Variants in DYNLT2 observed in about 807,000 individuals in gnomAD.
The protein encoded by DYNLT2 is dynein light chain Tctex-type protein 2.
In DYNLT2, 24 loss-of-function variants were observed where a neutral mutation model predicts 24.3. The observed-to-expected ratio is 0.99, with a 90% CI of 0.71 to 1.39. The LOEUF (loss-of-function observed/expected upper bound fraction) is 1.39. Among genes scored for constraint, DYNLT2 ranks in the 40% most tolerant of loss-of-function variants. The pLI, the probability that DYNLT2 is intolerant of heterozygous loss-of-function variation, is 0.00. For missense variants in DYNLT2, 246 were observed against 234.5 expected, an observed-to-expected ratio of 1.05 and a Z score of -0.32; for synonymous variants, 85 against 85.4, an observed-to-expected ratio of 1.00 and a Z score of 0.03.
chr6:169,733,208 G>A, the DYNLT2 span, among the ~76,000 whole-genome samples: 6 of 151,042 alleles, frequency 4.0e-5, no homozygotes, highest in Admixed American at 1.3e-4. Flanking sequence ...TGGGTAGATC[G>A]CAAAAATTTT....
Position 169,743,219 on chromosome 6 carries a change from T to C in DYNLT2, c.347A>G (p.Lys116Arg), listed in dbSNP as rs954938215. ...GTGAGAGAATACTTTATCATCATAT[T>C]TGACATCTTTAAGACTTTCCTTTAA... The part of the protein sequence containing the change: ...QILTESLKDV[K>R]YDDKVFSHLS... The change falls in exon 3 of 4, where the codon AAA becomes AGA. Residue 116 changes from lysine to arginine, a missense_variant. By Grantham distance (26) the Lys-to-Arg change is conservative. Transcript: ENST00000366774. 1.1e-5 allele frequency: 17 copies of C among 1,547,370 alleles called. No individual in the cohort carries two copies. The highest frequency in any genetic ancestry group is 1.8e-4 in the Middle Eastern group (1 of 5,680).
intron 1 of DYNLT2, among the ~76,000 whole-genome samples, chr6:169,748,345 C>G (rs1789858245): frequency 6.6e-6 from 1 of 152,154 alleles, no homozygotes; most frequent in Admixed American, 6.5e-5. Context: ...AGCCTGGAAA[C>G]TCTCACCAGG....
downstream of DYNLT2, among the ~76,000 whole-genome samples, chr6:169,736,107 T>TTTG (rs752179539): frequency 1.4e-4 from 21 of 151,768 alleles, no homozygotes; most frequent in African/African-American, 1.9e-4. Flanking sequence ...CAACCCCTGT[T>TTTG]TTGTTGTTGT....
At chr6:169,748,220 C>A (rs1328452301) in intron 1 of DYNLT2, among the ~76,000 whole-genome samples, 1 of 152,150 alleles carries the variant, frequency 6.6e-6, no homozygotes, top group African/African-American at 2.4e-5. Flanking sequence ...CTCTGTAGGT[C>A]TTTGGGGCGG....
chr6:169,747,709 T>C lies in DYNLT2; in HGVS notation c.121-3435A>G, dbSNP rs1350279098. On this transcript the variant is annotated intron_variant, in intron 1 of 3. Coordinates refer to ENST00000366774, the MANE Select transcript of DYNLT2 (RefSeq NM_174910.3). ...TATGATTAAATTTGACGAAAACTAA[T>C]AACTCTCTTAACTACTTTAATGTCT... Among the ~76,000 whole-genome samples, 4 of 152,184 alleles carry C rather than the reference T, an allele frequency of 2.6e-5. No individual in the cohort carries two copies. The East Asian group carries it at 7.7e-4, about 29-fold the overall frequency.
downstream of DYNLT2, chr6:169,740,056 T>G: frequency 3.3e-6 from 2 of 614,344 alleles, no homozygotes; most frequent in Non-Finnish European, 5.6e-6. Context: ...GTTAAAATAA[T>G]ACAATTGAAA....
At chr6:169,739,377 T>C (rs1193895819), downstream of DYNLT2, among the ~76,000 whole-genome samples, 1 of 152,004 alleles carries the variant, frequency 6.6e-6, no homozygotes, top group Admixed American at 6.6e-5. Context: ...GATCTCACGC[T>C]TCAGAAAAGG....
chr6:169,725,159 C>T, the DYNLT2 span: 4 of 398,790 alleles, frequency 1.0e-5, no homozygotes, highest in Admixed American at 4.4e-5. Context: ...CTAAAAACAG[C>T]GGAAAGTGAG....
At chr6:169,737,682 G>T (rs1188738456), downstream of DYNLT2, among the ~76,000 whole-genome samples, 1 of 152,162 alleles carries the variant, frequency 6.6e-6, no homozygotes, top group African/African-American at 2.4e-5. Flanking sequence ...ATGGGTGCCT[G>T]CTCCTTTTTC....
At position 169,751,376 on chromosome 6, in the gene DYNLT2, C is replaced by G; in HGVS notation, c.83G>C (p.Arg28Thr). ...GAACATGCTAGGCCTCCTTTCTTTCCTAGGCGTCACCGGAGCCTGCTGAGG... is the reference window on the plus strand; with the variant it reads ...GAACATGCTAGGCCTCCTTTCTTTCGTAGGCGTCACCGGAGCCTGCTGAGG... ...QTPQQAPVTP[R>T]KERRPSMFEK... Residue 28 changes from arginine (R) to threonine (T), a missense_variant, in exon 1 of 4, where the codon AGG becomes ACG. Physicochemically the swap from Arg to Thr is moderately conservative, Grantham distance 71 (BLOSUM62 -1). Transcript: ENST00000366774. 6.2e-7 allele frequency: 1 copy of G among 1,614,170 alleles called. No homozygotes were observed. The highest frequency in any genetic ancestry group is 1.1e-5 in the South Asian group (1 of 91,080).
At chr6:169,729,722 G>T in the DYNLT2 span, among the ~76,000 whole-genome samples, 6 of 152,168 alleles carry the variant, frequency 3.9e-5, no homozygotes, top group South Asian at 8.3e-4. Flanking sequence ...GAGTCCCCAT[G>T]ATGGGGATTA....
chr6:169,729,695 A>C, the DYNLT2 span, among the ~76,000 whole-genome samples: 1 of 152,210 alleles, frequency 6.6e-6, no homozygotes, highest in Non-Finnish European at 1.5e-5. Flanking sequence ...TTAGATTTAC[A>C]TGAGGTCACG....
chr6:169,739,698 A>G (rs1037046420), downstream of DYNLT2, among the ~76,000 whole-genome samples: 2 of 152,218 alleles, frequency 1.3e-5, no homozygotes, highest in Non-Finnish European at 2.9e-5. Context: ...GGAGGATATT[A>G]GGGAATTATG....
At position 169,743,971 on chromosome 6, in the gene DYNLT2, G is replaced by A. The variant is rs1299102601; in HGVS notation, c.327+97C>T. On this transcript the variant is annotated intron_variant, in intron 2 of 3. Coordinates refer to ENST00000366774, the MANE Select transcript of DYNLT2 (RefSeq NM_174910.3). ...CTTCTGGTTCTAGTGACAATTGTAT[G>A]AGCCAATTCCTGGAATAAATTTCTT... 5.9e-6 allele frequency: 7 copies of A among 1,188,468 alleles called. No individual in the cohort carries two copies. The African/African-American group carries it at 7.7e-5, about 13-fold the overall frequency. The allele number at this position is 1,188,468 out of a possible 1,614,324, so 73.6% of individuals were successfully genotyped here. A position where few individuals can be genotyped will look rare whatever the true frequency, so the allele number is the denominator to read the frequency against.
At chr6:169,739,073 A>G (rs1585316053), downstream of DYNLT2, 1 of 152,218 alleles carries the variant, frequency 6.6e-6, no homozygotes, top group African/African-American at 2.4e-5. Flanking sequence ...CAATATTGAC[A>G]TGGTTGTTTT....
chr6:169,746,532 T>G (rs1263084831), intron 1 of DYNLT2, among the ~76,000 whole-genome samples: 9 of 152,230 alleles, frequency 5.9e-5, no homozygotes, highest in Non-Finnish European at 1.3e-4. Context: ...TCCATTTCTA[T>G]GCTTACATTG....
chr6:169,751,124 T>TA (rs1466034839), intron 1 of DYNLT2: 2 of 639,464 alleles, frequency 3.1e-6, no homozygotes, highest in Non-Finnish European at 2.6e-6. Context: ...TGGCCCTAAT[T>TA]AAAAAACAAG....
intron 1 of DYNLT2, among the ~76,000 whole-genome samples, chr6:169,747,404 C>A (rs1789830546): frequency 9.2e-6 from 1 of 108,674 alleles, no homozygotes; most frequent in African/African-American, 6.0e-5. Context: ...TTTTGTCTGT[C>A]CTCTCTCACC....
At chr6:169,741,993 C>G (rs1279871118) in intron 3 of DYNLT2, among the ~76,000 whole-genome samples, 1 of 152,190 alleles carries the variant, frequency 6.6e-6, no homozygotes, top group Non-Finnish European at 1.5e-5. Context: ...CCTCCCCATG[C>G]TTCATCATGC....
Sources: gnomAD v4.1 joint callset for allele counts (sites outside exome capture counted in the v4.1 genomes callset) on GRCh38, gnomAD v4.1.1 for gene constraint, MANE v1.5 for transcripts, NCBI Gene and HGNC (gene_info 2026-07-23, HGNC 2026-07-21) for gene names.